PTPRK: variants seen among roughly 807,000 people sequenced by gnomAD.
The protein encoded by PTPRK is receptor-type tyrosine-protein phosphatase kappa.
PTPRK carries 75 observed loss-of-function variants against 178.0 expected under a neutral mutation model. The observed-to-expected ratio is 0.42, with a 90% CI of 0.35 to 0.51. The LOEUF (loss-of-function observed/expected upper bound fraction) is 0.51. Ranked by LOEUF, PTPRK falls within the 20% of genes least tolerant of loss-of-function variation. The pLI is 0.02. For missense variants in PTPRK, 1,441 were observed against 1,797.8 expected (o/e 0.80, Z 3.59); for synonymous variants, 637 against 620.6 (o/e 1.03, Z -0.39).
At chr6:128,166,376 C>T (rs1799401168) in intron 7 of PTPRK, among the ~76,000 whole-genome samples, 1 of 151,594 alleles carries the variant, frequency 6.6e-6, no homozygotes, top group Non-Finnish European at 1.5e-5. Context: ...CCAGCTCAAC[C>T]AGCTAATAGC....
At chr6:128,107,713 A>G (rs1043010935) in intron 7 of PTPRK, among the ~76,000 whole-genome samples, 1 of 152,230 alleles carries the variant, frequency 6.6e-6, no homozygotes, top group African/African-American at 2.4e-5. Flanking sequence ...AAATATCTGT[A>G]TTAAATCATA....
intron 7 of PTPRK, among the ~76,000 whole-genome samples, chr6:128,148,617 ACTTGATAT>A (rs1796826376): frequency 6.6e-6 from 1 of 152,094 alleles, no homozygotes; most frequent in Admixed American, 6.6e-5. Flanking sequence ...TCCTGAAGAG[ACTTGATAT>A]TCCTTAACAG....
chr6:128,008,182 C>T, intron 14 of PTPRK: 1 of 626,240 alleles, frequency 1.6e-6, no homozygotes, highest in Non-Finnish European at 2.5e-6. Context: ...AATGTTAATG[C>T]TTTATTTCAA....
chr6:128,010,467 A>G (rs1778929607), intron 13 of PTPRK, among the ~76,000 whole-genome samples: 1 of 151,094 alleles, frequency 6.6e-6, no homozygotes, highest in Admixed American at 6.6e-5. Flanking sequence ...TTTCTTCTTT[A>G]CCTTCTCCTC....
intron 2 of PTPRK, among the ~76,000 whole-genome samples, chr6:128,363,407 A>G (rs1276618413): frequency 6.6e-6 from 1 of 152,204 alleles, no homozygotes; most frequent in Admixed American, 6.6e-5. Flanking sequence ...TGCTATGCAC[A>G]TAACATAAAT....
At chr6:127,975,167 A>T (rs1328741080) in intron 27 of PTPRK, among the ~76,000 whole-genome samples, 1 of 152,216 alleles carries the variant, frequency 6.6e-6, no homozygotes, top group Non-Finnish European at 1.5e-5. Flanking sequence ...AAATAAATAA[A>T]TATGCTGACA....
At chr6:127,983,505 G>GTC in intron 22 of PTPRK, 128 bp from the exon 23 acceptor site, 1 of 915,960 alleles carries the variant, frequency 1.1e-6, no homozygotes, top group Non-Finnish European at 1.6e-6. Flanking sequence ...CACAGCACTT[G>GTC]TCCCTGCTGT....
At chr6:128,499,231 T>C (rs529828255) in intron 1 of PTPRK, among the ~76,000 whole-genome samples, 3 of 152,268 alleles carry the variant, frequency 2.0e-5, no homozygotes, top group African/African-American at 7.2e-5. Flanking sequence ...TAAAAAGTAC[T>C]CAACAGGACT....
At chr6:128,310,409 C>T (rs887327282) in intron 3 of PTPRK, among the ~76,000 whole-genome samples, 6 of 152,080 alleles carry the variant, frequency 3.9e-5, no homozygotes, top group African/African-American at 1.4e-4. Context: ...GATAACGTTG[C>T]CTTCCGTATC....
chr6:128,113,967 A>C (rs1791083720), intron 7 of PTPRK, among the ~76,000 whole-genome samples: 1 of 152,160 alleles, frequency 6.6e-6, no homozygotes, highest in African/African-American at 2.4e-5. Flanking sequence ...GAAAACTGTA[A>C]AGAACTATGA....
At chr6:127,979,726 A>G (rs979933551) in intron 25 of PTPRK, among the ~76,000 whole-genome samples, 2 of 152,246 alleles carry the variant, frequency 1.3e-5, no homozygotes, top group Non-Finnish European at 2.9e-5. Flanking sequence ...CTTAACAGGA[A>G]CAATAACTTA....
At chr6:128,248,159 G>C (rs1318392615) in intron 3 of PTPRK, among the ~76,000 whole-genome samples, 2 of 152,154 alleles carry the variant, frequency 1.3e-5, no homozygotes, top group Non-Finnish European at 2.9e-5. Flanking sequence ...ATCTTTATCT[G>C]TTATGACAAG....
chr6:128,195,504 T>TA (rs1804711788), intron 6 of PTPRK, among the ~76,000 whole-genome samples: 2 of 150,726 alleles, frequency 1.3e-5, no homozygotes, highest in African/African-American at 5.0e-5. Context: ...TACCCTAAGT[T>TA]AATCAGGGGA....
intron 1 of PTPRK, among the ~76,000 whole-genome samples, chr6:128,480,008 T>G (rs922397620): frequency 2.0e-5 from 3 of 152,134 alleles, no homozygotes; most frequent in Admixed American, 6.6e-5. Context: ...CCTTTCCCAT[T>G]TCTCTAAATG....
chr6:128,219,008 G>T lies in PTPRK; in HGVS notation c.782C>A (p.Thr261Lys), dbSNP rs761448355. ...FAASFRLQEV[T>K]KTDQDLYRCV... ...GCGATACAAATCCTGGTCAGTTTTT[G>T]TCACTTCTTGCAATCTGAAGGAAGC... Residue 261 changes from threonine (T) to lysine (K), a missense_variant, in exon 6 of 30, where the codon ACA becomes AAA. Physicochemically the swap from Thr to Lys is moderately conservative, Grantham distance 78. Coordinates refer to ENST00000368226, the MANE Select transcript of PTPRK (RefSeq NM_002844.4). The T allele has an allele frequency of 6.2e-7, 1 of 1,613,898 alleles. No homozygotes were observed. Among genetic ancestry groups the T allele is most frequent in the Non-Finnish European group, 8.5e-7 (1 of 1,179,928 alleles).
rs373215279 is a variant in PTPRK, at chr6:128,018,693, T to C, written c.2195-9425A>G. 1.2e-4 allele frequency among the ~76,000 whole-genome samples: 19 copies of C among 152,190 alleles called. No individual in the cohort carries two copies. In the East Asian group the frequency reaches 3.5e-3, roughly 28 times the overall value. ...GCTAAGGACAATATCTGGTACTTCA[T>C]AAAGCCTCAGTAAGTATTAGGGAAT... On this transcript the variant is annotated intron_variant, in intron 13 of 29. Coordinates refer to ENST00000368226, the MANE Select transcript of PTPRK (RefSeq NM_002844.4).
At chr6:128,477,152 AG>A (rs1461839234) in intron 1 of PTPRK, among the ~76,000 whole-genome samples, 1 of 152,116 alleles carries the variant, frequency 6.6e-6, no homozygotes, top group Non-Finnish European at 1.5e-5. Context: ...AAATAAAGCA[AG>A]CTAATTTTAT....
At chr6:128,238,355 A>AC (rs1452185974) in intron 5 of PTPRK, among the ~76,000 whole-genome samples, 2 of 152,056 alleles carry the variant, frequency 1.3e-5, no homozygotes, top group East Asian at 3.9e-4. Context: ...AAGCAAACAA[A>AC]AAAAAAAAAT....
intron 13 of PTPRK, chr6:128,062,064 C>T (rs753596855): frequency 6.6e-5 from 10 of 152,224 alleles, no homozygotes; most frequent in East Asian, 1.9e-4. Context: ...TTCTTCAAAA[C>T]GCCCTGTCAG....
Sources: gnomAD v4.1 joint callset for allele counts (sites outside exome capture counted in the v4.1 genomes callset) on GRCh38, gnomAD v4.1.1 for gene constraint, MANE v1.5 for transcripts, NCBI Gene and HGNC (gene_info 2026-07-23, HGNC 2026-07-21) for gene names.